Variants in FAM120C observed in about 807,000 individuals in gnomAD.
FAM120C encodes the protein constitutive coactivator of PPAR-gamma-like protein 2.
Under a neutral mutation model 71.2 loss-of-function variants are expected in FAM120C, and 14 were observed. That is an observed-to-expected ratio of 0.20 (90% CI 0.13 to 0.31). The LOEUF (loss-of-function observed/expected upper bound fraction) is 0.31, where lower values mean the gene tolerates loss of function less well. Ranked by LOEUF, FAM120C falls within the 10% of genes least tolerant of loss-of-function variation. The pLI is 1.00. For missense variants in FAM120C, 500 were observed against 879.0 expected (o/e 0.57, Z 5.45); for synonymous variants, 354 against 353.2 (o/e 1.00, Z -0.03).
intron 4 of FAM120C, among the ~76,000 whole-genome samples, chrX:54,138,970 A>G (rs1557131132): frequency 8.9e-6 from 1 of 112,502 alleles, no homozygotes; most frequent in African/African-American, 3.2e-5. Flanking sequence ...CTCCTTGAAT[A>G]TAATTTTAAG....
In FAM120C at chrX:54,072,955, C is replaced by T. The variant is rs1372736779; in HGVS notation, c.*78G>A. On this transcript the variant is annotated 3_prime_UTR_variant, in exon 16 of 16. Transcript: ENST00000375180. ...GAAATCTAGGGTAAGCATTTATATC[C>T]TCCTCTAGCTTGGGCCTAAAATCAG... The T allele has an allele frequency of 9.2e-7, 1 of 1,090,638 alleles. No individual in the cohort carries two copies. Among genetic ancestry groups the T allele is most frequent in the Non-Finnish European group, 1.2e-6 (1 of 821,706 alleles). The allele number at this position is 1,090,638 out of a possible 1,213,427, so 89.9% of individuals were successfully genotyped here. A position where few individuals can be genotyped will look rare whatever the true frequency, so the allele number is the denominator to read the frequency against.
At chrX:54,090,445 G>T (rs1275712213) in intron 11 of FAM120C, among the ~76,000 whole-genome samples, 1 of 109,707 alleles carries the variant, frequency 9.1e-6, no homozygotes, top group Admixed American at 9.9e-5. Flanking sequence ...GTTGGCCAGG[G>T]TGGTCTCGAA....
At chrX:54,166,980 T>C (rs2067262793) in intron 1 of FAM120C, among the ~76,000 whole-genome samples, 1 of 110,504 alleles carries the variant, frequency 9.0e-6, no homozygotes, top group African/African-American at 3.3e-5. Context: ...AAGCAAACAA[T>C]ATGGCAGTGT....
intron 4 of FAM120C, among the ~76,000 whole-genome samples, chrX:54,138,062 A>G (rs2067102927): frequency 8.9e-6 from 1 of 112,078 alleles, no homozygotes; most frequent in African/African-American, 3.2e-5. Flanking sequence ...CAACTCAAAT[A>G]TATATCAATG....
intron 15 of FAM120C, among the ~76,000 whole-genome samples, chrX:54,078,585 G>T (rs1381805431): frequency 1.8e-5 from 2 of 111,489 alleles, no homozygotes; most frequent in Non-Finnish European, 3.8e-5. Flanking sequence ...GATTAACATG[G>T]ATGCAGTGAG....
intron 3 of FAM120C, among the ~76,000 whole-genome samples, chrX:54,154,036 G>GT (rs2146630875): frequency 9.3e-6 from 1 of 107,227 alleles, no homozygotes; most frequent in African/African-American, 3.4e-5. Flanking sequence ...GGATCTCAGT[G>GT]GTTTTTTTTT....
At chrX:54,096,471 T>C (rs1322201695) in intron 10 of FAM120C, among the ~76,000 whole-genome samples, 2 of 111,918 alleles carry the variant, frequency 1.8e-5, no homozygotes, top group African/African-American at 6.5e-5. Context: ...ATATAAGCAC[T>C]GTTAAGATTA....
At chrX:54,147,878 T>C (rs2067165246) in intron 4 of FAM120C, among the ~76,000 whole-genome samples, 1 of 110,876 alleles carries the variant, frequency 9.0e-6, no homozygotes, top group Admixed American at 9.7e-5. Context: ...GTATTTTTAG[T>C]AGAGATGGGG....
At chrX:54,082,915 C>T (rs1603351884) in intron 13 of FAM120C, among the ~76,000 whole-genome samples, 1 of 107,316 alleles carries the variant, frequency 9.3e-6, no homozygotes. Flanking sequence ...GTCAGGAGTT[C>T]GAGACCAGCC....
At chrX:54,149,500 G>A (rs1005086974) in intron 4 of FAM120C, among the ~76,000 whole-genome samples, 8 of 110,789 alleles carry the variant, frequency 7.2e-5, no homozygotes, top group African/African-American at 2.6e-4. Context: ...TTAGCCAGGC[G>A]TGGTGGCGGG....
intron 15 of FAM120C, among the ~76,000 whole-genome samples, chrX:54,073,560 T>A (rs782462266): frequency 1.5e-3 from 166 of 107,844 alleles, no homozygotes; most frequent in African/African-American, 5.2e-3. Context: ...CTCCTGAGAG[T>A]AGCTGGGATT....
Position 54,110,295 on chromosome X carries a change from T to C in FAM120C, c.2312+6250A>G, listed in dbSNP as rs946866167. ...AAACCACCACACCCGGCCAGAAAAA[T>C]ATCTTTATGACTTAGGGGTAGGGGA... On this transcript the variant is annotated intron_variant, in intron 10 of 15. Transcript: ENST00000375180. Among the ~76,000 whole-genome samples the C allele has an allele frequency of 1.1e-4, 12 of 109,185 alleles. No homozygotes were observed. In the Admixed American group the frequency reaches 1.1e-3, roughly 10 times the overall value. 94.8% of individuals were successfully genotyped at this position (109,185 alleles called of 115,157 possible). A position where few individuals can be genotyped will look rare whatever the true frequency, so the allele number is the denominator to read the frequency against.
rs782456199 is a variant in FAM120C at position 54,155,765 on chromosome X, G to T, written c.1029+1924C>A. Among the ~76,000 whole-genome samples the T allele has an allele frequency of 2.7e-5, 3 of 111,200 alleles. No homozygotes were observed. The East Asian group carries it at 8.5e-4, about 32-fold the overall frequency. On this transcript the variant is annotated intron_variant, in intron 3 of 15. Transcript: ENST00000375180. ...GAAAATTGATGATGCAGGAGAAAAAGGGGGAGAATTGCTGAACTGATGCTC... is the reference window on the plus strand; with the variant it reads ...GAAAATTGATGATGCAGGAGAAAAATGGGGAGAATTGCTGAACTGATGCTC...
intron 10 of FAM120C, among the ~76,000 whole-genome samples, chrX:54,100,516 CA>C (rs1195020274): frequency 9.2e-6 from 1 of 108,412 alleles, no homozygotes; most frequent in Non-Finnish European, 1.9e-5. Context: ...AACAAACAAA[CA>C]AAAAAATTAG....
At chrX:54,097,403 G>A (rs1234280161) in intron 10 of FAM120C, among the ~76,000 whole-genome samples, 1 of 111,584 alleles carries the variant, frequency 9.0e-6, no homozygotes, top group African/African-American at 3.3e-5. Context: ...TTTGTGAGGC[G>A]GAGGCCAGGA....
At chrX:54,089,091 T>C (rs1238398205) in intron 11 of FAM120C, among the ~76,000 whole-genome samples, 1 of 111,322 alleles carries the variant, frequency 9.0e-6, no homozygotes, top group African/African-American at 3.3e-5. Context: ...ACTTCAGGTA[T>C]TCCTTTATAG....
chrX:54,129,625 A>G (rs782495942), intron 9 of FAM120C, among the ~76,000 whole-genome samples: 1,518 of 111,903 alleles, frequency 0.014, 30 homozygotes, highest in African/African-American at 0.046. Context: ...GGTGGTGGCC[A>G]GGCAGAGGCT....
intron 1 of FAM120C, among the ~76,000 whole-genome samples, chrX:54,170,837 T>G (rs1250241046): frequency 1.8e-5 from 2 of 112,023 alleles, no homozygotes; most frequent in Non-Finnish European, 3.8e-5. Context: ...AGAAATAATT[T>G]GAGACAAGTA....
chrX:54,170,922 T>C (rs988964262), intron 1 of FAM120C, among the ~76,000 whole-genome samples: 24 of 111,543 alleles, frequency 2.2e-4, no homozygotes, highest in Non-Finnish European at 7.5e-5. Context: ...ATGAAAAGTA[T>C]TCTTAGGAGA....
Sources: gnomAD v4.1 joint callset for allele counts (sites outside exome capture counted in the v4.1 genomes callset) on GRCh38, gnomAD v4.1.1 for gene constraint, MANE v1.5 for transcripts, NCBI Gene and HGNC (gene_info 2026-07-23, HGNC 2026-07-21) for gene names.